Variants in ARB2A observed in about 807,000 individuals in gnomAD.
ARB2A encodes ARB2 cotranscriptional regulator A.
At chr5:93,942,566 T>C in the ARB2A span, among the ~76,000 whole-genome samples, 1 of 151,920 alleles carries the variant, frequency 6.6e-6, no homozygotes, top group Non-Finnish European at 1.5e-5. Context: ...AAGGAGCTGC[T>C]TGCAGTTTTA....
chr5:94,013,182 T>G, the ARB2A span, among the ~76,000 whole-genome samples: 3 of 149,862 alleles, frequency 2.0e-5, no homozygotes, highest in Non-Finnish European at 4.5e-5. Flanking sequence ...TGTTTTTTTT[T>G]TTTTTTTTTT....
chr5:93,631,706 G>C, the ARB2A span, among the ~76,000 whole-genome samples: 2 of 150,950 alleles, frequency 1.3e-5, no homozygotes, highest in African/African-American at 4.9e-5. Flanking sequence ...CAGATATCTT[G>C]TCAGGCTTTT....
the ARB2A span, among the ~76,000 whole-genome samples, chr5:93,665,832 C>T: frequency 6.6e-6 from 1 of 152,154 alleles, no homozygotes; most frequent in African/African-American, 2.4e-5. Context: ...TGTGTACTCT[C>T]CACAGGCCAA....
At chr5:94,050,215 T>C in the ARB2A span, among the ~76,000 whole-genome samples, 4 of 151,824 alleles carry the variant, frequency 2.6e-5, no homozygotes, top group Non-Finnish European at 4.4e-5. Flanking sequence ...GTTGGGATTA[T>C]AGGTGTGAGC....
At chr5:93,980,869 T>C in the ARB2A span, among the ~76,000 whole-genome samples, 2 of 152,178 alleles carry the variant, frequency 1.3e-5, no homozygotes, top group Non-Finnish European at 2.9e-5. Context: ...GGTCTCTGAC[T>C]CATAGTTCTA....
the ARB2A span, among the ~76,000 whole-genome samples, chr5:93,701,396 T>A: frequency 6.6e-6 from 1 of 152,130 alleles, no homozygotes; most frequent in African/African-American, 2.4e-5. Context: ...TTCACCACAA[T>A]TTGCATTGTT....
the ARB2A span, among the ~76,000 whole-genome samples, chr5:93,946,090 G>T: frequency 1.3e-5 from 2 of 152,056 alleles, no homozygotes. Flanking sequence ...TTTCAGAAAT[G>T]CAAGGGTTCA....
the ARB2A span, among the ~76,000 whole-genome samples, chr5:94,017,158 G>T: frequency 1.3e-5 from 2 of 152,186 alleles, no homozygotes; most frequent in Admixed American, 6.5e-5. Context: ...GGAATGGCCG[G>T]AGTCAATTTG....
chr5:93,722,976 A>G, the ARB2A span, among the ~76,000 whole-genome samples: 138 of 152,278 alleles, frequency 9.1e-4, no homozygotes, highest in African/African-American at 3.2e-3. Flanking sequence ...GACAATTTCA[A>G]TGTAGTCTAA....
At chr5:93,776,768 A>AC in the ARB2A span, among the ~76,000 whole-genome samples, 1 of 151,906 alleles carries the variant, frequency 6.6e-6, no homozygotes, top group African/African-American at 2.4e-5. Context: ...ACAGAGGGAG[A>AC]CCCCGTCTCA....
At chr5:94,026,939 T>C in the ARB2A span, among the ~76,000 whole-genome samples, 1 of 152,230 alleles carries the variant, frequency 6.6e-6, no homozygotes, top group South Asian at 2.1e-4. Flanking sequence ...CCTGAAGATC[T>C]ATCTACTGAA....
chr5:93,947,700 T>C, the ARB2A span, among the ~76,000 whole-genome samples: 3 of 121,488 alleles, frequency 2.5e-5, no homozygotes, highest in African/African-American at 9.5e-5. Context: ...CAGAGTGCGA[T>C]GTTCCCCTTC....
the ARB2A span, among the ~76,000 whole-genome samples, chr5:93,724,330 C>T: frequency 3.3e-5 from 5 of 152,000 alleles, no homozygotes; most frequent in African/African-American, 1.2e-4. Context: ...CGTCCGCCAA[C>T]AGATACTTGA....
At chr5:94,055,570 G>A in the ARB2A span, 1 of 932,560 alleles carries the variant, frequency 1.1e-6, no homozygotes, top group Admixed American at 6.2e-5. Context: ...AAAAAAGTTT[G>A]TACACTCTAG....
chr5:94,059,738 T>A, the ARB2A span, among the ~76,000 whole-genome samples: 27 of 151,730 alleles, frequency 1.8e-4, no homozygotes, highest in Admixed American at 1.4e-3. Context: ...GTGCAACATT[T>A]TTCAACTAAA....
chr5:93,898,773 G>A, the ARB2A span, among the ~76,000 whole-genome samples: 3 of 152,076 alleles, frequency 2.0e-5, no homozygotes, highest in Non-Finnish European at 4.4e-5. Flanking sequence ...ACAGCCGTTA[G>A]AAAGTTTAAT....
the ARB2A span, among the ~76,000 whole-genome samples, chr5:93,815,814 A>G: frequency 2.0e-5 from 3 of 152,054 alleles, no homozygotes; most frequent in African/African-American, 4.8e-5. Flanking sequence ...CATTGCCTTG[A>G]TTTTCTGTTC....
At chr5:93,789,655 T>C in the ARB2A span, among the ~76,000 whole-genome samples, 1 of 152,214 alleles carries the variant, frequency 6.6e-6, no homozygotes, top group African/African-American at 2.4e-5. Context: ...TGTCCTGTGC[T>C]ATCCAAGCCC....
the ARB2A span, among the ~76,000 whole-genome samples, chr5:93,765,438 A>T: frequency 6.6e-6 from 1 of 152,202 alleles, no homozygotes; most frequent in Non-Finnish European, 1.5e-5. Context: ...GTGAACTCCC[A>T]TTCACAATTG....
Sources: gnomAD v4.1 joint callset for allele counts (sites outside exome capture counted in the v4.1 genomes callset) on GRCh38, gnomAD v4.1.1 for gene constraint, MANE v1.5 for transcripts, NCBI Gene and HGNC (gene_info 2026-07-23, HGNC 2026-07-21) for gene names.